Variants in RILPL1 observed in about 807,000 individuals in gnomAD.
RILPL1 encodes Rab interacting lysosomal protein like 1, also known as RILP-like protein 1.
RILPL1 carries 33 observed loss-of-function variants against 50.3 expected under a neutral mutation model. The ratio of observed to expected loss-of-function variants is 0.66; its 90% CI spans 0.50 to 0.88. The LOEUF is 0.88. Ranked by LOEUF, RILPL1 falls within the 40% of genes least tolerant of loss-of-function variation. The pLI, the probability that RILPL1 is intolerant of heterozygous loss-of-function variation, is 0.00. For missense variants in RILPL1, 418 were observed against 542.5 expected (o/e 0.77, Z 2.28); for synonymous variants, 205 against 228.6 (o/e 0.90, Z 0.93).
intron 4 of RILPL1, among the ~76,000 whole-genome samples, chr12:123,487,599 G>A (rs545388513): frequency 1.3e-5 from 2 of 152,274 alleles, no homozygotes; most frequent in Non-Finnish European, 2.9e-5. Context: ...GGGCCACCCC[G>A]CCAGCTCACT....
At chr12:123,521,310 T>C (rs1478611755) in intron 2 of RILPL1, among the ~76,000 whole-genome samples, 1 of 151,926 alleles carries the variant, frequency 6.6e-6, no homozygotes, top group Admixed American at 6.6e-5. Flanking sequence ...CAAAGTCACA[T>C]AGCAGGGAGG....
In RILPL1 at chr12:123,499,506, T is replaced by A. The variant is rs1245972250; in HGVS notation, c.491A>T (p.Lys164Met). The stretch of plus-strand genomic sequence containing the variant: ...TTTGTCCACCACCTCCTTCAGCTTC[T>A]TCATCACCTGTCGCTCCCGCTCTGA... ...GMSERERQVM[K>M]KLKEVVDKQR... The change falls in exon 3 of 7, where the codon AAG becomes ATG. Residue 164 changes from lysine (K) to methionine (M), a missense_variant. Physicochemically the swap from Lys to Met is moderately conservative, Grantham distance 95. Coordinates refer to ENST00000376874, the MANE Select transcript of RILPL1 (RefSeq NM_178314.5). 1 of 1,613,928 alleles carries A rather than the reference T, an allele frequency of 6.2e-7. No homozygotes were observed. The highest frequency in any genetic ancestry group is 8.5e-7 in the Non-Finnish European group (1 of 1,179,862).
chr12:123,507,252 C>A (rs1593575843), intron 2 of RILPL1, among the ~76,000 whole-genome samples: 1 of 152,112 alleles, frequency 6.6e-6, no homozygotes, highest in African/African-American at 2.4e-5. Context: ...ACTGTACAAC[C>A]CACACTGTGC....
At chr12:123,490,717 C>T (rs1269686802) in intron 4 of RILPL1, among the ~76,000 whole-genome samples, 1 of 151,216 alleles carries the variant, frequency 6.6e-6, no homozygotes, top group Non-Finnish European at 1.5e-5. Flanking sequence ...GGATTACAGG[C>T]GTGAGCCATT....
At chr12:123,487,639 CA>C (rs1173210757) in intron 4 of RILPL1, among the ~76,000 whole-genome samples, 2 of 152,230 alleles carry the variant, frequency 1.3e-5, no homozygotes, top group African/African-American at 4.8e-5. Flanking sequence ...AGCCATATTC[CA>C]CTGTACAGAT....
rs1210169563 is a variant in RILPL1 at position 123,485,907 on chromosome 12, G to C, written c.802-102C>G. 1 of 1,232,400 alleles carries C rather than the reference G, an allele frequency of 8.1e-7. No individual in the cohort carries two copies. Among genetic ancestry groups the C allele is most frequent in the Non-Finnish European group, 1.1e-6 (1 of 914,790 alleles). 76.3% of individuals were successfully genotyped at this position (1,232,400 alleles called of 1,614,324 possible). ...AAATTCTCCCCCTCCCGGGGTGCCA[G>C]CAGCCTGTGGAGGGTGCTATTTTCA... On this transcript the variant is annotated intron_variant, in intron 4 of 6. Coordinates refer to ENST00000376874, the MANE Select transcript of RILPL1 (RefSeq NM_178314.5). The surrounding 1 kb of genome is among the most constrained non-coding windows in gnomAD (Gnocchi z 4.0).
chr12:123,499,525 G>A lies in RILPL1; in HGVS notation c.472C>T (p.Arg158Trp), dbSNP rs375884334. 15 of 1,613,076 alleles carry A rather than the reference G, an allele frequency of 9.3e-6. No homozygotes were observed. Among genetic ancestry groups the A allele is most frequent in the Non-Finnish European group, 1.3e-5 (15 of 1,179,314 alleles). Residue 158 changes from arginine to tryptophan, a missense_variant, in exon 3 of 7, where the codon CGG becomes TGG. Arg to Trp is a moderately radical substitution (Grantham distance 101). Coordinates refer to ENST00000376874, the MANE Select transcript of RILPL1 (RefSeq NM_178314.5). ...EFQKHEGMSE[R>W]ERQVMKKLKE... ...AGCTTCTTCATCACCTGTCGCTCCC[G>A]CTCTGACATGCCTGGGTGGGCAAGT...
intron 6 of RILPL1, chr12:123,475,600 T>C (rs1282320874): frequency 1.9e-6 from 2 of 1,077,586 alleles, no homozygotes; most frequent in South Asian, 1.3e-5. Flanking sequence ...GCCCCAGCAG[T>C]AGCCGAAGCA....
chr12:123,523,349 G>A (rs1027470085), intron 2 of RILPL1, 146 bp downstream of exon 2: 30 of 898,992 alleles, frequency 3.3e-5, no homozygotes, highest in Non-Finnish European at 5.1e-5. Flanking sequence ...GGGTTATGGT[G>A]CAAATCAACA....
At chr12:123,499,299 C>T (rs1310164815) in intron 3 of RILPL1, 119 bp downstream of exon 3, 1 of 694,434 alleles carries the variant, frequency 1.4e-6, no homozygotes, top group Non-Finnish European at 2.6e-6. Context: ...GATCCACACC[C>T]CACGGAGCCC....
intron 4 of RILPL1, among the ~76,000 whole-genome samples, chr12:123,492,007 AAAAT>A (rs1298904571): frequency 1.3e-5 from 2 of 151,890 alleles, no homozygotes; most frequent in East Asian, 1.9e-4. Context: ...ACCCTGACTC[AAAAT>A]AAATAAATAA....
At chr12:123,499,211 C>G (rs1387082953) in intron 3 of RILPL1, among the ~76,000 whole-genome samples, 1 of 152,126 alleles carries the variant, frequency 6.6e-6, no homozygotes, top group East Asian at 1.9e-4. Context: ...GCCTGCTCAC[C>G]GGGCAGTGCC....
rs556656670 is a variant in RILPL1 at position 123,499,694 on chromosome 12, C to T, written c.461-158G>A. Among the ~76,000 whole-genome samples the T allele has an allele frequency of 3.0e-4, 45 of 152,212 alleles. No individual in the cohort carries two copies. The South Asian group carries it at 8.3e-3, about 28-fold the overall frequency. Reference sequence around the variant, plus strand: ...CTCCACTCACGCCCTTCGCCCTCCCCGGTGCCTGCTTTCTATTCCTTGATT... The same window carrying T: ...CTCCACTCACGCCCTTCGCCCTCCCTGGTGCCTGCTTTCTATTCCTTGATT... On this transcript the variant is annotated intron_variant, in intron 2 of 6. Transcript: ENST00000376874.
At chr12:123,475,871 G>T in intron 6 of RILPL1, 10 of 581,404 alleles carry the variant, frequency 1.7e-5, no homozygotes, top group Non-Finnish European at 2.1e-5. Context: ...GTTGAATTGT[G>T]TCACCTGCCT....
chr12:123,521,631 ACACATATGTG>A (rs1885040032), intron 2 of RILPL1, among the ~76,000 whole-genome samples: 3 of 9,682 alleles, frequency 3.1e-4, no homozygotes, highest in Admixed American at 1.4e-3. Context: ...ATATATATAC[ACACATATGTG>A]TATATATATA....
chr12:123,484,824 T>A (rs999387178), intron 5 of RILPL1: 6 of 253,786 alleles, frequency 2.4e-5, no homozygotes, highest in African/African-American at 1.3e-4. Context: ...CCTGGCTAAT[T>A]TTTAAAAATT....
intron 1 of RILPL1, among the ~76,000 whole-genome samples, chr12:123,531,416 T>C (rs1885441302): frequency 6.6e-6 from 1 of 152,150 alleles, no homozygotes; most frequent in Non-Finnish European, 1.5e-5. Context: ...GGGGACAGTA[T>C]AGGTGCCAGG....
At chr12:123,477,807 G>A (rs530595380) in intron 6 of RILPL1, among the ~76,000 whole-genome samples, 32 of 152,096 alleles carry the variant, frequency 2.1e-4, no homozygotes, top group African/African-American at 7.5e-4. Context: ...CCCAAAGAGG[G>A]TGCCCACAAA....
In RILPL1 at chr12:123,489,859, C is replaced by T. The variant is rs1882576188; in HGVS notation, c.802-4054G>A. On this transcript the variant is annotated intron_variant, in intron 4 of 6. Transcript: ENST00000376874. This position sits in a 1 kb window ranked among gnomAD's most constrained non-coding sequence, Gnocchi z 4.0. ...CTTAGACCATCCCAGTGCTGCTGGC[C>T]CACATTTTGTTTGGCCTTCACTGTG... is the stretch of plus-strand genomic sequence containing the variant. Among the ~76,000 whole-genome samples the T allele has an allele frequency of 6.6e-6, 1 of 152,062 alleles. No homozygotes were observed. Among genetic ancestry groups the T allele is most frequent in the African/African-American group, 2.4e-5 (1 of 41,390 alleles).
Sources: allele counts gnomAD v4.1 joint callset (sites outside exome capture counted in the v4.1 genomes callset), GRCh38; gene constraint gnomAD v4.1.1; non-coding constraint Gnocchi (gnomAD v3.1); transcripts MANE v1.5; gene names NCBI Gene and HGNC (gene_info 2026-07-23, HGNC 2026-07-21).